ZZEF1: variants seen among roughly 807,000 people sequenced by gnomAD.
ZZEF1 encodes the protein zinc finger ZZ-type and EF-hand domain containing 1, also known as zinc finger ZZ-type and EF-hand domain-containing protein 1.
In ZZEF1, 157 loss-of-function variants were observed where a neutral mutation model predicts 342.8. The ratio of observed to expected loss-of-function variants is 0.46; its 90% CI spans 0.40 to 0.52. ZZEF1 has a LOEUF of 0.52. Among genes scored for constraint, ZZEF1 ranks in the 20% least tolerant of loss-of-function variants. ZZEF1 has a pLI of 0.00. For synonymous variants in ZZEF1, 1,505 were observed against 1,429.1 expected (o/e 1.05, Z -1.20); for missense variants, 3,480 against 3,725.6 (o/e 0.93, Z 1.72).
At position 4,042,585 on chromosome 17, in the gene ZZEF1, ACTTT is replaced by A; in HGVS notation, c.6167-21_6167-18del. On this transcript the variant is annotated intron_variant, in intron 38 of 54. Transcript: ENST00000381638. ...CTTCAGCATCTAAGTGGTAAAACAA[ACTTT>A]CAGAATTTGCCTGCATCTCCACATG... 1 of 1,609,330 alleles carries A rather than the reference ACTTT, an allele frequency of 6.2e-7. No homozygotes were observed. Among genetic ancestry groups the A allele is most frequent in the Non-Finnish European group, 8.5e-7 (1 of 1,178,142 alleles).
chr17:4,062,843 C>A lies in ZZEF1; in HGVS notation c.4793G>T (p.Cys1598Phe), dbSNP rs1477700852. ...GTGGGGCTGCCCAAGGGATTCTGCA[C>A]AGTGCTGAGTTATCTTCAGGACTTC... ...ILEVLKITQH[C>F]AESLGQPHCF... Residue 1598 changes from cysteine (C) to phenylalanine (F), a missense_variant, in exon 30 of 55, where the codon TGT becomes TTT. Cys to Phe is a radical substitution (Grantham distance 205). This residue lies in a region of ZZEF1 where 1,528 missense variants were observed against 1,624.1 expected (regional missense o/e 0.94). Transcript: ENST00000381638. The A allele has an allele frequency of 6.2e-7, 1 of 1,613,660 alleles. No individual in the cohort carries two copies. The highest frequency in any genetic ancestry group is 1.7e-5 in the Admixed American group (1 of 59,988).
chr17:4,064,867 A>AG, intron 28 of ZZEF1, 38 bp from the exon 29 acceptor site: 2 of 1,399,318 alleles, frequency 1.4e-6, no homozygotes, highest in Non-Finnish European at 1.9e-6. Context: ...AAAAAAAAAA[A>AG]GTTAAAATTA....
At position 4,017,782 on chromosome 17, in the gene ZZEF1, T is replaced by C; in HGVS notation, c.7642-52A>G. Reference sequence around the variant, plus strand: ...AGGTCTAGCCTTCTTACAGTGGTGGTATGGGGTGGGGGATGGGGTGCAGAT... The same window carrying C: ...AGGTCTAGCCTTCTTACAGTGGTGGCATGGGGTGGGGGATGGGGTGCAGAT... On this transcript the variant is annotated intron_variant, in intron 47 of 54. Transcript: ENST00000381638. This position sits in a 1 kb window ranked among gnomAD's most constrained non-coding sequence, Gnocchi z 5.1. 1 of 1,613,300 alleles carries C rather than the reference T, an allele frequency of 6.2e-7. No individual in the cohort carries two copies. Among genetic ancestry groups the C allele is most frequent in the Non-Finnish European group, 8.5e-7 (1 of 1,179,744 alleles).
chr17:4,017,688 G>A lies in ZZEF1; in HGVS notation c.7684C>T (p.Pro2562Ser), dbSNP rs2056146384. Residue 2562 changes from proline to serine, a missense_variant, in exon 48 of 55, where the codon CCT becomes TCT. Around this residue, in one of 5 missense-constraint regions of ZZEF1, gnomAD observed 1,269 missense variants for 1,342.4 expected, o/e 0.95. Transcript: ENST00000381638. This position sits in a 1 kb window ranked among gnomAD's most constrained non-coding sequence, Gnocchi z 5.1. Reference protein sequence around the residue: ...RCDQATAESNPVTQKLISSTE... With the variant: ...RCDQATAESNSVTQKLISSTE... ...CTGGAGATCAGCTTCTGGGTCACAGGGTTCGATTCAGCAGTGGCTTGGTCA... is the reference window on the plus strand; with the variant it reads ...CTGGAGATCAGCTTCTGGGTCACAGAGTTCGATTCAGCAGTGGCTTGGTCA... 6.2e-7 allele frequency: 1 copy of A among 1,613,664 alleles called. No homozygotes were observed. The highest frequency in any genetic ancestry group is 8.5e-7 in the Non-Finnish European group (1 of 1,180,012).
At chr17:4,137,641 G>C (rs2058774136) in intron 1 of ZZEF1, among the ~76,000 whole-genome samples, 1 of 152,100 alleles carries the variant, frequency 6.6e-6, no homozygotes, top group African/African-American at 2.4e-5. Context: ...CACTCACCAA[G>C]GATCTTTCCT....
At chr17:4,066,619 C>T in intron 27 of ZZEF1, 79 bp from the exon 28 acceptor site, 1 of 1,187,540 alleles carries the variant, frequency 8.4e-7, no homozygotes, top group Non-Finnish European at 1.3e-6. Flanking sequence ...ACTTCAAAAG[C>T]ACACAGCACT....
chr17:4,123,010 C>G (rs1428604992), intron 2 of ZZEF1, among the ~76,000 whole-genome samples: 1 of 149,334 alleles, frequency 6.7e-6, no homozygotes, highest in Non-Finnish European at 1.5e-5. Flanking sequence ...AGCTCCGCCT[C>G]CCAGGTTAAC....
intron 37 of ZZEF1, 64 bp downstream of exon 37, chr17:4,049,644 C>G: frequency 3.8e-6 from 6 of 1,598,412 alleles, no homozygotes; most frequent in African/African-American, 2.7e-5. Context: ...CTATGCTGCA[C>G]TGAGTGAATG....
chr17:4,140,194 A>C (rs1022344575), intron 1 of ZZEF1, among the ~76,000 whole-genome samples: 44 of 152,308 alleles, frequency 2.9e-4, no homozygotes, highest in African/African-American at 1.1e-3. Flanking sequence ...TGTTTAAACC[A>C]CTGATGCATT....
intron 11 of ZZEF1, among the ~76,000 whole-genome samples, chr17:4,095,523 G>A (rs1210944459): frequency 1.3e-5 from 2 of 152,138 alleles, no homozygotes; most frequent in Non-Finnish European, 2.9e-5. Flanking sequence ...GGGGGTTGGG[G>A]CAATGGCTAA....
Position 4,142,702 on chromosome 17 carries a change from G to T in ZZEF1, c.194C>A (p.Pro65His). Residue 65 changes from proline to histidine, a missense_variant, in exon 1 of 55, where the codon CCC (proline) becomes CAC (histidine). Physicochemically the swap from Pro to His is moderately conservative, Grantham distance 77. Coordinates refer to ENST00000381638, the MANE Select transcript of ZZEF1 (RefSeq NM_015113.4). ...CACCAGCGACTCGCAGGGGGGTGTG[G>T]GCAGCAACGCTGCAGCAGCCTCTCG... ...RLREAAAALL[P>H]TPPCESLVSR... 1.2e-6 allele frequency: 2 copies of T among 1,601,710 alleles called. No homozygotes were observed. Among genetic ancestry groups the T allele is most frequent in the Non-Finnish European group, 1.7e-6 (2 of 1,177,486 alleles).
intron 44 of ZZEF1, 27 bp downstream of exon 44, chr17:4,022,682 G>A: frequency 6.2e-7 from 1 of 1,613,212 alleles, no homozygotes; most frequent in Non-Finnish European, 8.5e-7. Flanking sequence ...CCAGGAAAGA[G>A]GAGCAGGAGT....
At chr17:4,053,228 C>T (rs1001357835) in intron 34 of ZZEF1, among the ~76,000 whole-genome samples, 1 of 152,180 alleles carries the variant, frequency 6.6e-6, no homozygotes, top group Non-Finnish European at 1.5e-5. Flanking sequence ...AACTCCTTAG[C>T]CTAGTATCTT....
At position 4,077,995 on chromosome 17, in the gene ZZEF1, C is replaced by A. The variant is rs758966516; in HGVS notation, c.2877G>T (p.Val959=). The change falls in exon 19 of 55, where the codon GTG becomes GTT. Residue 959 remains valine, a synonymous_variant. Coordinates refer to ENST00000381638, the MANE Select transcript of ZZEF1 (RefSeq NM_015113.4). ...GGACGGACCAGAACAGGGAGAAGAG[C>A]ACAGAGCCCACCTCCCCTGGGGCCC... ...LSGAPGEVGS[V]LFSLFWSVQG... 1.2e-5 allele frequency: 19 copies of A among 1,614,124 alleles called. No homozygotes were observed. The South Asian group carries it at 2.1e-4, about 18-fold the overall frequency.
chr17:4,012,539 A>AG (rs2055990333), intron 52 of ZZEF1, among the ~76,000 whole-genome samples: 1 of 152,148 alleles, frequency 6.6e-6, no homozygotes, highest in Admixed American at 6.6e-5. Flanking sequence ...CTGAGCAAGG[A>AG]GGGTGGGGGC....
At chr17:4,077,093 G>C in intron 19 of ZZEF1, 104 bp from the exon 20 acceptor site, 2 of 1,176,008 alleles carry the variant, frequency 1.7e-6, no homozygotes, top group Non-Finnish European at 2.2e-6. Context: ...CTGCAGAGGG[G>C]GTTCCACAGC....
At chr17:4,035,752 G>A (rs781829) in intron 39 of ZZEF1, among the ~76,000 whole-genome samples, 12,358 of 152,228 alleles carry the variant, frequency 0.081, 1,629 homozygotes, top group African/African-American at 0.28. Flanking sequence ...AGCCTGTTGC[G>A]GGTGAGGGTC....
chr17:4,049,170 A>G (rs890508112), intron 37 of ZZEF1, among the ~76,000 whole-genome samples: 1 of 152,158 alleles, frequency 6.6e-6, no homozygotes, highest in Non-Finnish European at 1.5e-5. Flanking sequence ...AACTCCTCAC[A>G]ATAAGCCTAT....
chr17:4,072,367 T>A (rs971031942), intron 25 of ZZEF1, among the ~76,000 whole-genome samples: 8 of 152,230 alleles, frequency 5.3e-5, no homozygotes, highest in Admixed American at 5.2e-4. Context: ...AACAGAGATT[T>A]ACTGAGCACC....
Sources: gnomAD v4.1 joint callset for allele counts (sites outside exome capture counted in the v4.1 genomes callset) on GRCh38, gnomAD v4.1.1 for gene constraint, gnomAD v4.1.1 regional missense constraint, Gnocchi (gnomAD v3.1) non-coding constraint, MANE v1.5 for transcripts, NCBI Gene and HGNC (gene_info 2026-07-23, HGNC 2026-07-21) for gene names.